RAB28: variants seen among roughly 807,000 people sequenced by gnomAD.
RAB28 encodes RAB28, member RAS oncogene family, also known as ras-related protein Rab-28.
A neutral mutation model predicts 31.7 loss-of-function variants in RAB28; 24 were observed. The observed-to-expected ratio is 0.76, with a 90% CI of 0.55 to 1.06. RAB28 has a LOEUF of 1.06. Among genes scored for constraint, RAB28 ranks in the 50% least tolerant of loss-of-function variants. RAB28 has a pLI of 0.00. For missense variants in RAB28, 254 were observed against 258.5 expected, an observed-to-expected ratio of 0.98 and a Z score of 0.12; for synonymous variants, 100 against 90.4, an observed-to-expected ratio of 1.11 and a Z score of -0.60.
intron 3 of RAB28, among the ~76,000 whole-genome samples, chr4:13,472,831 GAATA>G (rs56310587): frequency 4.0e-5 from 6 of 150,194 alleles, no homozygotes; most frequent in African/African-American, 1.5e-4. Context: ...AACAGAAAAT[GAATA>G]AATAAATAAA....
chr4:13,472,305 G>A (rs770909472), intron 3 of RAB28, among the ~76,000 whole-genome samples: 9 of 151,572 alleles, frequency 5.9e-5, no homozygotes, highest in South Asian at 2.1e-4. Flanking sequence ...GAGCCACTGC[G>A]CCTAGCTGAT....
chr4:13,418,135 G>A (rs1712906799), intron 4 of RAB28, among the ~76,000 whole-genome samples: 1 of 152,178 alleles, frequency 6.6e-6, no homozygotes, highest in African/African-American at 2.4e-5. Flanking sequence ...ATTCGATCAA[G>A]TGGAAGCAAG....
intron 6 of RAB28, among the ~76,000 whole-genome samples, chr4:13,374,374 C>T (rs1728839583): frequency 1.3e-5 from 2 of 151,972 alleles, no homozygotes; most frequent in Non-Finnish European, 2.9e-5. Flanking sequence ...AAATAGTAAC[C>T]CTGTTGATCT....
intron 4 of RAB28, among the ~76,000 whole-genome samples, chr4:13,386,158 G>T (rs182282536): frequency 1.8e-3 from 276 of 151,968 alleles, no homozygotes; most frequent in Middle Eastern, 0.014. Context: ...AAAAAACCCT[G>T]CAAGACAACC....
intron 4 of RAB28, among the ~76,000 whole-genome samples, chr4:13,427,817 G>A (rs1268151369): frequency 6.6e-6 from 1 of 152,136 alleles, no homozygotes; most frequent in Non-Finnish European, 1.5e-5. Flanking sequence ...TTGGAATGGG[G>A]CTAAAGTAAC....
chr4:13,410,531 C>CA (rs141636813), intron 4 of RAB28, among the ~76,000 whole-genome samples: 1,776 of 151,654 alleles, frequency 0.012, 36 homozygotes, highest in African/African-American at 0.041. Flanking sequence ...ATAAGAGCTG[C>CA]AAAAAAATAA....
chr4:13,473,276 G>T (rs1240612908), intron 3 of RAB28, among the ~76,000 whole-genome samples: 1 of 151,814 alleles, frequency 6.6e-6, no homozygotes, highest in Non-Finnish European at 1.5e-5. Flanking sequence ...AGTTGTATTT[G>T]TCTCACTTAA....
At chr4:13,436,451 A>G (rs1263223954) in intron 4 of RAB28, among the ~76,000 whole-genome samples, 1 of 152,208 alleles carries the variant, frequency 6.6e-6, no homozygotes, top group African/African-American at 2.4e-5. Flanking sequence ...CTATACCTAG[A>G]AAACCCTAAA....
At chr4:13,403,640 A>C (rs1477767878) in intron 4 of RAB28, among the ~76,000 whole-genome samples, 2 of 152,190 alleles carry the variant, frequency 1.3e-5, no homozygotes, top group Non-Finnish European at 2.9e-5. Context: ...TGTATGCTAT[A>C]AAATCTTCCT....
chr4:13,415,668 G>A (rs1021353736), intron 4 of RAB28, among the ~76,000 whole-genome samples: 5 of 151,770 alleles, frequency 3.3e-5, no homozygotes, highest in African/African-American at 1.2e-4. Flanking sequence ...CTCCAACCAC[G>A]CCACCCTGGG....
rs1716768008 is a variant in RAB28 at position 13,484,272 on chromosome 4, G to C, written c.-122C>G. ...GCAGGACCCCCGCCCCGGTGTCTCC[G>C]CGCCGGCAGGAGGTATTCGAGGAGA... On this transcript the variant is annotated 5_prime_UTR_variant, in exon 1 of 7. Coordinates refer to ENST00000330852, the MANE Select transcript of RAB28 (RefSeq NM_001017979.3). 1.4e-5 allele frequency: 10 copies of C among 729,726 alleles called. No homozygotes were observed. The South Asian group carries it at 1.6e-4, about 11-fold the overall frequency. The allele number at this position is 729,726 out of a possible 1,614,324, so 45.2% of individuals were successfully genotyped here.
intron 4 of RAB28, among the ~76,000 whole-genome samples, chr4:13,421,562 A>C (rs28816410): frequency 0.092 from 13,991 of 151,680 alleles, 1,264 homozygotes; most frequent in African/African-American, 0.24. Context: ...GAGAGATAGA[A>C]CAATCTAACA....
intron 4 of RAB28, among the ~76,000 whole-genome samples, chr4:13,397,118 C>A (rs986731356): frequency 1.3e-5 from 2 of 152,056 alleles, no homozygotes; most frequent in Non-Finnish European, 2.9e-5. Flanking sequence ...TGCATGGCTG[C>A]ATTTTACAGG....
intron 4 of RAB28, among the ~76,000 whole-genome samples, chr4:13,434,293 CAT>C (rs913661515): frequency 3.9e-5 from 6 of 152,154 alleles, no homozygotes; most frequent in Non-Finnish European, 7.3e-5. Context: ...GAAACCTACA[CAT>C]GTGCCCCCGC....
At chr4:13,404,718 G>A (rs889375833) in intron 4 of RAB28, among the ~76,000 whole-genome samples, 1 of 152,134 alleles carries the variant, frequency 6.6e-6, no homozygotes, top group Non-Finnish European at 1.5e-5. Context: ...ATAAATGGCA[G>A]TGGTAGGGAG....
At chr4:13,378,434 T>C (rs1729005074) in intron 5 of RAB28, among the ~76,000 whole-genome samples, 1 of 152,078 alleles carries the variant, frequency 6.6e-6, no homozygotes. Flanking sequence ...CTGCTGGAAC[T>C]GGAAGAGAAA....
intron 4 of RAB28, among the ~76,000 whole-genome samples, chr4:13,394,106 G>T (rs1286417767): frequency 6.6e-6 from 1 of 152,100 alleles, no homozygotes; most frequent in Non-Finnish European, 1.5e-5. Flanking sequence ...GAGGCGACCA[G>T]ATAAGAGAGT....
chr4:13,376,327 C>A (rs750160743), intron 6 of RAB28, among the ~76,000 whole-genome samples: 2 of 151,952 alleles, frequency 1.3e-5, no homozygotes, highest in Admixed American at 6.6e-5. Flanking sequence ...TTTTTCCCAA[C>A]AAAAGAGACA....
At chr4:13,395,965 G>C (rs1041384719) in intron 4 of RAB28, among the ~76,000 whole-genome samples, 1 of 151,854 alleles carries the variant, frequency 6.6e-6, no homozygotes, top group Admixed American at 6.6e-5. Flanking sequence ...ATTTTAAAAA[G>C]GGAATATATT....
Sources: gnomAD v4.1 joint callset for allele counts (sites outside exome capture counted in the v4.1 genomes callset) on GRCh38, gnomAD v4.1.1 for gene constraint, MANE v1.5 for transcripts, NCBI Gene and HGNC (gene_info 2026-07-23, HGNC 2026-07-21) for gene names.